The following GEM variants were observed in gnomAD, a reference collection of about 807,000 sequenced individuals.
GEM encodes the protein GTP-binding protein GEM.
A neutral mutation model predicts 33.0 loss-of-function variants in GEM; 31 were observed. The observed-to-expected ratio is 0.94, with a 90% CI of 0.71 to 1.27. The LOEUF (loss-of-function observed/expected upper bound fraction) is 1.27. Ranked by LOEUF, GEM falls within the 50% of genes most tolerant of loss-of-function variation. The probability of loss-of-function intolerance (pLI) is 0.00; values close to 1 mark genes in which losing one functional copy is unlikely to be tolerated. For missense variants in GEM, 354 were observed against 390.5 expected (o/e 0.91, Z 0.79); for synonymous variants, 141 against 143.7 (o/e 0.98, Z 0.13).
rs933690241 is a variant in GEM at position 94,253,105 on chromosome 8, T to C, written c.339A>G (p.Thr113=). The change falls in exon 3 of 5, where the codon ACA becomes ACG. Residue 113 remains threonine, a synonymous_variant. Coordinates refer to ENST00000297596, the MANE Select transcript of GEM (RefSeq NM_005261.4). ...DSDCEVLGED[T]YERTLMVDGE... is the part of the protein sequence containing the mutation. ...CATCAACCATCAGGGTTCGTTCATA[T>C]GTATCTTCTAGAGAAGAAAGAACAA... 1.9e-6 allele frequency: 3 copies of C among 1,566,952 alleles called. No individual in the cohort carries two copies. Among genetic ancestry groups the C allele is most frequent in the Admixed American group, 1.7e-5 (1 of 59,882 alleles).
chr8:94,260,710 C>A, intron 1 of GEM, 198 bp from the exon 2 acceptor site: 1 of 541,498 alleles, frequency 1.8e-6, no homozygotes, highest in Non-Finnish European at 3.3e-6. Context: ...GCTGCCCACA[C>A]TGTCAGTAAC....
intron 4 of GEM, 104 bp downstream of exon 4, chr8:94,251,915 A>C: frequency 1.2e-6 from 1 of 840,650 alleles, no homozygotes. Context: ...CATCTTAATG[A>C]GTTCCTAGAT....
At chr8:94,252,388 C>T (rs1235699037) in intron 3 of GEM, among the ~76,000 whole-genome samples, 165 bp from the exon 4 acceptor site, 2 of 152,168 alleles carry the variant, frequency 1.3e-5, no homozygotes, top group Non-Finnish European at 2.9e-5. Flanking sequence ...GTCTTCTATG[C>T]CTATAAGATG....
At chr8:94,250,996 A>G (rs1181258545) in intron 4 of GEM, among the ~76,000 whole-genome samples, 1 of 152,172 alleles carries the variant, frequency 6.6e-6, no homozygotes, top group Non-Finnish European at 1.5e-5. Flanking sequence ...ACATGAAGAA[A>G]CCGAGGGGAG....
intron 3 of GEM, among the ~76,000 whole-genome samples, chr8:94,252,783 C>T (rs60347226): frequency 0.018 from 2,721 of 152,236 alleles, 86 homozygotes; most frequent in African/African-American, 0.062. Flanking sequence ...TTCCCTAAAA[C>T]AAATAAACTT....
intron 1 of GEM, 126 bp downstream of exon 1, chr8:94,261,964 G>C (rs1037698106): frequency 6.6e-6 from 1 of 152,076 alleles, no homozygotes; most frequent in African/African-American, 2.4e-5. Flanking sequence ...AATACATAAA[G>C]CATCATTAAG....
intron 2 of GEM, chr8:94,259,900 C>G (rs901512015): frequency 3.2e-5 from 12 of 374,026 alleles, no homozygotes; most frequent in African/African-American, 2.2e-4. Context: ...TCTGCCCTCT[C>G]TAATCAGCCT....
rs138147292 is a variant in GEM, at chr8:94,250,492, G to T, written c.709C>A (p.Arg237=). The T allele has an allele frequency of 3.3e-5, 53 of 1,614,046 alleles. No homozygotes were observed. Among genetic ancestry groups the T allele is most frequent in the African/African-American group, 4.0e-5 (3 of 74,924 alleles). The change falls in exon 5 of 5, where the codon CGA becomes AGA. Residue 237 remains arginine (R), a synonymous_variant. Transcript: ENST00000297596. Reference sequence around the variant, plus strand: ...CTGTCCCGCCGAAGGCGCACCTGTCGCACAATGCCCTCAAACAGCTCCTTC... The same window carrying T: ...CTGTCCCGCCGAAGGCGCACCTGTCTCACAATGCCCTCAAACAGCTCCTTC... The part of the protein sequence containing the change: ...NVKELFEGIV[R]QVRLRRDSKE...
intron 2 of GEM, among the ~76,000 whole-genome samples, chr8:94,259,615 G>A (rs1448003105): frequency 1.3e-5 from 2 of 152,174 alleles, no homozygotes; most frequent in Non-Finnish European, 2.9e-5. Context: ...AGGGAAAATT[G>A]TCTTGAAAAG....
chr8:94,259,872 G>A (rs914024232), intron 2 of GEM: 1 of 287,902 alleles, frequency 3.5e-6, no homozygotes, highest in Admixed American at 4.6e-5. Context: ...AAGTCAAGTG[G>A]GGCGCTGACC....
chr8:94,260,698 A>C, intron 1 of GEM, 186 bp from the exon 2 acceptor site: 1 of 559,492 alleles, frequency 1.8e-6, no homozygotes, highest in Non-Finnish European at 3.2e-6. Context: ...GGACACACAC[A>C]TGCTGCCCAC....
In GEM at chr8:94,249,719, A is replaced by G. The variant is rs1022994346; in HGVS notation, c.*591T>C. 1.3e-5 allele frequency: 2 copies of G among 152,146 alleles called. No homozygotes were observed. Among genetic ancestry groups the G allele is most frequent in the Non-Finnish European group, 2.9e-5 (2 of 68,008 alleles). The allele number at this position is 152,146 out of a possible 1,614,324, so 9.4% of individuals were successfully genotyped here. ...GACACATGTATCAGTTCCCAATTCT[A>G]TATGTCTTGGTGGGCATTGAACAAA... On this transcript the variant is annotated 3_prime_UTR_variant, in exon 5 of 5. Transcript: ENST00000297596.
Position 94,252,008 on chromosome 8 carries a change from G to A in GEM, c.613+11C>T. Reference sequence around the variant, plus strand: ...CGATTGTTTCTACAGTATTGGCTCTGCTCCTCTTACCTGATACAGACACTT... The same window carrying A: ...CGATTGTTTCTACAGTATTGGCTCTACTCCTCTTACCTGATACAGACACTT... On this transcript the variant is annotated intron_variant, in intron 4 of 4. Coordinates refer to ENST00000297596, the MANE Select transcript of GEM (RefSeq NM_005261.4). 6.3e-7 allele frequency: 1 copy of A among 1,599,174 alleles called. No individual in the cohort carries two copies. The highest frequency in any genetic ancestry group is 8.6e-7 in the Non-Finnish European group (1 of 1,166,368).
At chr8:94,258,598 C>T (rs1055963593) in intron 2 of GEM, among the ~76,000 whole-genome samples, 1 of 152,166 alleles carries the variant, frequency 6.6e-6, no homozygotes, top group Non-Finnish European at 1.5e-5. Flanking sequence ...CCTGGTCATA[C>T]CATGTACTAG....
intron 2 of GEM, among the ~76,000 whole-genome samples, chr8:94,253,827 G>A (rs1467849860): frequency 3.3e-5 from 5 of 152,182 alleles, no homozygotes; most frequent in Admixed American, 6.5e-5. Flanking sequence ...ATGGGCCAAA[G>A]CAGTTCCAGC....
rs1331960174 is a variant in GEM, at chr8:94,260,828, G to A, written c.-9-316C>T. Reference sequence around the variant, plus strand: ...CAAAGCAGACTTGGATGAAAGAAGAGCTGCACTCAGAGCTGGCACAAAGGC... The same window carrying A: ...CAAAGCAGACTTGGATGAAAGAAGAACTGCACTCAGAGCTGGCACAAAGGC... On this transcript the variant is annotated intron_variant, in intron 1 of 4. Coordinates refer to ENST00000297596, the MANE Select transcript of GEM (RefSeq NM_005261.4). 3 of 238,006 alleles carry A rather than the reference G, an allele frequency of 1.3e-5. No homozygotes were observed. The Admixed American group carries it at 1.5e-4, about 12-fold the overall frequency. The allele number at this position is 238,006 out of a possible 1,614,324, so 14.7% of individuals were successfully genotyped here. A position where few individuals can be genotyped will look rare whatever the true frequency, so the allele number is the denominator to read the frequency against.
intron 2 of GEM, among the ~76,000 whole-genome samples, chr8:94,257,900 C>A (rs1231881327): frequency 2.6e-5 from 4 of 151,160 alleles, no homozygotes; most frequent in African/African-American, 4.9e-5. Flanking sequence ...CCTTAGAAAA[C>A]CTTCCTCTTG....
rs962348345 is a variant in GEM, at chr8:94,249,397, G to T, written c.*913C>A. The T allele has an allele frequency of 1.3e-5, 2 of 152,038 alleles. No individual in the cohort carries two copies. Among genetic ancestry groups the T allele is most frequent in the African/African-American group, 2.4e-5 (1 of 41,394 alleles). 9.4% of individuals were successfully genotyped at this position (152,038 alleles called of 1,614,324 possible). A position where few individuals can be genotyped will look rare whatever the true frequency, so the allele number is the denominator to read the frequency against. Reference sequence around the variant, plus strand: ...AATATGCTTTATCAAATGTTAAAATGGTTATTTTGCAAAATAATAATAAAT... The same window carrying T: ...AATATGCTTTATCAAATGTTAAAATTGTTATTTTGCAAAATAATAATAAAT... On this transcript the variant is annotated 3_prime_UTR_variant, in exon 5 of 5. Transcript: ENST00000297596.
chr8:94,256,888 G>GT (rs1808902273), intron 2 of GEM, among the ~76,000 whole-genome samples: 1 of 152,068 alleles, frequency 6.6e-6, no homozygotes. Flanking sequence ...TTTAATCCTC[G>GT]TAACACCCTA....
Sources: gnomAD v4.1 joint callset for allele counts (sites outside exome capture counted in the v4.1 genomes callset) on GRCh38, gnomAD v4.1.1 for gene constraint, MANE v1.5 for transcripts, NCBI Gene and HGNC (gene_info 2026-07-23, HGNC 2026-07-21) for gene names.